Variants in NCAM1 observed in about 807,000 individuals in gnomAD.
NCAM1 encodes neural cell adhesion molecule 1.
NCAM1 carries 14 observed loss-of-function variants against 109.8 expected under a neutral mutation model. That is an observed-to-expected ratio of 0.13 (90% CI 0.08 to 0.20). The LOEUF (loss-of-function observed/expected upper bound fraction) is 0.20. Among genes scored for constraint, NCAM1 ranks in the 10% least tolerant of loss-of-function variants. NCAM1 has a pLI of 1.00. For synonymous variants in NCAM1, 418 were observed against 442.9 expected, an observed-to-expected ratio of 0.94 and a Z score of 0.70; for missense variants, 774 against 1,109.9, an observed-to-expected ratio of 0.70 and a Z score of 4.30.
intron 1 of NCAM1, among the ~76,000 whole-genome samples, chr11:113,199,704 AGCACAC>A (rs1316844830): frequency 4.0e-5 from 6 of 151,842 alleles, no homozygotes; most frequent in Non-Finnish European, 8.8e-5. Context: ...TAATGGGTGT[AGCACAC>A]CAGCATGGCA....
chr11:113,261,564 G>T (rs754462343), intron 17 of NCAM1, among the ~76,000 whole-genome samples: 2 of 152,158 alleles, frequency 1.3e-5, no homozygotes, highest in South Asian at 2.1e-4. Context: ...GGCAAGGCAC[G>T]TGGGCAAGGC....
chr11:113,170,200 T>C (rs1942948302), intron 1 of NCAM1, among the ~76,000 whole-genome samples: 1 of 152,228 alleles, frequency 6.6e-6, no homozygotes, highest in African/African-American at 2.4e-5. Context: ...GATCAGAGAA[T>C]GTGCCCAGCA....
At chr11:112,977,133 A>C (rs916250376) in intron 1 of NCAM1, among the ~76,000 whole-genome samples, 6 of 151,150 alleles carry the variant, frequency 4.0e-5, no homozygotes, top group Non-Finnish European at 5.9e-5. Context: ...AAAAAAAATC[A>C]CCTGGGAAAT....
At chr11:113,174,014 T>C (rs1943074302) in intron 1 of NCAM1, among the ~76,000 whole-genome samples, 1 of 152,168 alleles carries the variant, frequency 6.6e-6, no homozygotes, top group South Asian at 2.1e-4. Context: ...TTTGTCATTG[T>C]GTATTTAGAA....
chr11:113,006,369 T>C (rs1389137746), intron 1 of NCAM1, among the ~76,000 whole-genome samples: 1 of 152,204 alleles, frequency 6.6e-6, no homozygotes, highest in Non-Finnish European at 1.5e-5. Flanking sequence ...ATGAATTCCA[T>C]GTCTCAGTCC....
chr11:113,158,312 G>A (rs1175348750), intron 1 of NCAM1, among the ~76,000 whole-genome samples: 1 of 152,100 alleles, frequency 6.6e-6, no homozygotes, highest in Non-Finnish European at 1.5e-5. Flanking sequence ...ATGTCTTCCA[G>A]AGACCCAAGT....
chr11:113,200,924 C>T (rs559134649), intron 1 of NCAM1, among the ~76,000 whole-genome samples: 2 of 152,164 alleles, frequency 1.3e-5, no homozygotes, highest in African/African-American at 2.4e-5. Context: ...AACTAGCTGC[C>T]CTAGATTACT....
intron 15 of NCAM1, among the ~76,000 whole-genome samples, chr11:113,250,181 C>T (rs1945631581): frequency 6.6e-6 from 1 of 152,038 alleles, no homozygotes; most frequent in African/African-American, 2.4e-5. Context: ...AATTAATACC[C>T]ACTCTTACAC....
At chr11:113,043,790 C>A (rs201909829) in intron 1 of NCAM1, among the ~76,000 whole-genome samples, 2 of 152,148 alleles carry the variant, frequency 1.3e-5, no homozygotes, top group Non-Finnish European at 2.9e-5. Flanking sequence ...CATCTCCTTA[C>A]GCCCCAGTCA....
At chr11:113,223,535 T>C (rs782215930) in intron 9 of NCAM1, among the ~76,000 whole-genome samples, 1 of 152,242 alleles carries the variant, frequency 6.6e-6, no homozygotes, top group African/African-American at 2.4e-5. Flanking sequence ...GAGTAAAGAC[T>C]TGGAATATCC....
At chr11:113,083,882 A>G (rs782136975) in intron 1 of NCAM1, among the ~76,000 whole-genome samples, 1 of 152,196 alleles carries the variant, frequency 6.6e-6, no homozygotes, top group Non-Finnish European at 1.5e-5. Flanking sequence ...TCACCAGCCC[A>G]GAGCAGACGT....
intron 1 of NCAM1, among the ~76,000 whole-genome samples, chr11:113,103,802 G>A (rs973413686): frequency 3.3e-5 from 5 of 152,130 alleles, no homozygotes; most frequent in African/African-American, 9.6e-5. Flanking sequence ...AAGTAACCGT[G>A]GGCGATATGC....
At chr11:113,069,170 T>C (rs12280093) in intron 1 of NCAM1, among the ~76,000 whole-genome samples, 3,220 of 152,100 alleles carry the variant, frequency 0.021, 109 homozygotes, top group African/African-American at 0.074. Context: ...CAGAGTACAG[T>C]GGAGGGAAGT....
intron 10 of NCAM1, 140 bp downstream of exon 10, chr11:113,231,935 G>T: frequency 8.0e-7 from 1 of 1,247,248 alleles, no homozygotes; most frequent in African/African-American, 1.5e-5. Context: ...GGCTATTTCA[G>T]AGCTCTGTTC....
chr11:113,270,856 CAGAT>C (rs1565541575), intron 18 of NCAM1, among the ~76,000 whole-genome samples: 2 of 152,148 alleles, frequency 1.3e-5, no homozygotes, highest in Admixed American at 6.5e-5. Context: ...AGGGAACAAA[CAGAT>C]AGAAATTCTT....
chr11:113,269,907 G>T, intron 17 of NCAM1: 1 of 507,898 alleles, frequency 2.0e-6, no homozygotes, highest in Non-Finnish European at 3.6e-6. Context: ...GACAGGCGGG[G>T]CTCAGTCTGC....
At chr11:113,212,532 A>G (rs1944416617) in intron 7 of NCAM1, among the ~76,000 whole-genome samples, 1 of 152,174 alleles carries the variant, frequency 6.6e-6, no homozygotes, top group Non-Finnish European at 1.5e-5. Context: ...AACGCTGTCC[A>G]GATCTCAGAG....
At chr11:113,193,502 A>G (rs1943751660) in intron 1 of NCAM1, among the ~76,000 whole-genome samples, 1 of 152,102 alleles carries the variant, frequency 6.6e-6, no homozygotes, top group African/African-American at 2.4e-5. Flanking sequence ...AGAAATTAGC[A>G]GGGCATGCTA....
intron 1 of NCAM1, among the ~76,000 whole-genome samples, chr11:113,116,940 AAATG>A (rs1428974423): frequency 6.6e-6 from 1 of 151,956 alleles, no homozygotes; most frequent in Non-Finnish European, 1.5e-5. Context: ...ATCGAAGATT[AAATG>A]TTCTGTAGTT....
Sources: gnomAD v4.1 joint callset for allele counts (sites outside exome capture counted in the v4.1 genomes callset) on GRCh38, gnomAD v4.1.1 for gene constraint, MANE v1.5 for transcripts, NCBI Gene and HGNC (gene_info 2026-07-23, HGNC 2026-07-21) for gene names.